The following DTWD1 variants were observed in gnomAD, a reference collection of about 807,000 sequenced individuals.
The protein encoded by DTWD1 is tRNA-uridine aminocarboxypropyltransferase 1.
DTWD1 carries 27 observed loss-of-function variants against 30.2 expected under a neutral mutation model. The observed-to-expected ratio is 0.90, with a 90% CI of 0.66 to 1.23. The LOEUF (loss-of-function observed/expected upper bound fraction) is 1.23. Ranked by LOEUF, DTWD1 falls within the 50% of genes most tolerant of loss-of-function variation. The pLI, the probability that DTWD1 is intolerant of heterozygous loss-of-function variation, is 0.00. For synonymous variants in DTWD1, 99 were observed against 113.1 expected (o/e 0.88, Z 0.79); for missense variants, 342 against 348.8 (o/e 0.98, Z 0.15).
In DTWD1 at chr15:49,643,434, T is replaced by C. The variant is rs772990335; in HGVS notation, c.771T>C (p.Phe257=). The change falls in exon 5 of 5, where the codon TTT becomes TTC. Residue 257 remains phenylalanine, a synonymous_variant. Transcript: ENST00000403028. ...CTACAATTGAAGCCATTTACTACTT[T>C]CTGGTAGACTACCATACTGATATAT... is the stretch of plus-strand genomic sequence containing the variant. The part of the protein sequence containing the change: ...FLSTIEAIYY[F]LVDYHTDILK... The C allele has an allele frequency of 3.1e-6, 5 of 1,607,302 alleles. No homozygotes were observed. Among genetic ancestry groups the C allele is most frequent in the Admixed American group, 1.7e-5 (1 of 58,928 alleles).
Position 49,651,791 on chromosome 15 carries a change from A to G in DTWD1, c.*8213A>G, listed in dbSNP as rs2079153731. On this transcript the variant is annotated 3_prime_UTR_variant, in exon 5 of 5. Transcript: ENST00000403028. ...AGCATGCGATCTCACATTATATCAT[A>G]TCAGATCCGGAAACCTATTTTATGG... The G allele has an allele frequency of 6.6e-6, 1 of 152,142 alleles. No individual in the cohort carries two copies. The highest frequency in any genetic ancestry group is 1.5e-5 in the Non-Finnish European group (1 of 68,016). The allele number at this position is 152,142 out of a possible 1,614,324, so 9.4% of individuals were successfully genotyped here.
rs182427597 is a variant in DTWD1, at chr15:49,622,018, T to C, written c.-56+896T>C. ...AAGAGGTAGAAGCTTTTTGTTATTA[T>C]TTTGGAGAAAAAAAAATTGCCAGCC... On this transcript the variant is annotated intron_variant, in intron 1 of 4. Transcript: ENST00000403028. Among the ~76,000 whole-genome samples, 84 of 152,200 alleles carry C rather than the reference T, an allele frequency of 5.5e-4. 1 individual carries two copies. The highest frequency in any genetic ancestry group is 1.0e-3 in the Non-Finnish European group (68 of 68,020).
intron 3 of DTWD1, among the ~76,000 whole-genome samples, chr15:49,633,045 A>ATATCTATATCTATATCTATCTATC (rs1555588593): frequency 4.0e-5 from 4 of 99,918 alleles, no homozygotes; most frequent in Admixed American, 1.9e-4. Flanking sequence ...ATTTATATCT[A>ATATCTATATCTATATCTATCTATC]TATCTATATA....
At chr15:49,625,478 A>T (rs751839483) in intron 2 of DTWD1, 47 bp downstream of exon 2, 5 of 1,517,842 alleles carry the variant, frequency 3.3e-6, no homozygotes, top group Admixed American at 1.9e-5. Flanking sequence ...TAGATTTTTT[A>T]AAAACATCTC....
In DTWD1 at chr15:49,632,248, T is replaced by G; in HGVS notation, c.354T>G (p.Phe118Leu). ...ATGCAAAACTCTTAGCACCTGAATT[T>G]GTAAACATTTACACGTATCCGTGTA... ...AIHAKLLAPE[F>L]VNIYTYPCIP... Residue 118 changes from phenylalanine (F) to leucine (L), a missense_variant, in exon 3 of 5, where the codon TTT becomes TTG. Coordinates refer to ENST00000403028, the MANE Select transcript of DTWD1 (RefSeq NM_001144955.2). 3 of 1,599,194 alleles carry G rather than the reference T, an allele frequency of 1.9e-6. No homozygotes were observed. Among genetic ancestry groups the G allele is most frequent in the Non-Finnish European group, 2.5e-6 (3 of 1,176,558 alleles).
chr15:49,629,108 G>C (rs999274463), intron 2 of DTWD1, among the ~76,000 whole-genome samples: 1 of 151,876 alleles, frequency 6.6e-6, no homozygotes, highest in Non-Finnish European at 1.5e-5. Context: ...GTTCCTGTGT[G>C]GTCAACACTA....
intron 4 of DTWD1, among the ~76,000 whole-genome samples, chr15:49,635,051 T>G (rs769638976): frequency 6.6e-6 from 1 of 152,218 alleles, no homozygotes; most frequent in Non-Finnish European, 1.5e-5. Flanking sequence ...TCCTTTTTTT[T>G]CTTGAGACAG....
intron 2 of DTWD1, among the ~76,000 whole-genome samples, chr15:49,627,473 T>C (rs1365518447): frequency 1.3e-5 from 2 of 152,210 alleles, no homozygotes; most frequent in African/African-American, 2.4e-5. Flanking sequence ...ATATGTCTCC[T>C]AATGACAGGG....
chr15:49,652,804 A>G lies in DTWD1; in HGVS notation c.*9226A>G, dbSNP rs987819912. ...AGCAAAGAGATACACTGCCTGATTC[A>G]CTTTAAGAAAGGACTGACCTCCCAG... On this transcript the variant is annotated 3_prime_UTR_variant, in exon 5 of 5. Coordinates refer to ENST00000403028, the MANE Select transcript of DTWD1 (RefSeq NM_001144955.2). The G allele has an allele frequency of 1.3e-5, 2 of 152,142 alleles. No homozygotes were observed. Among genetic ancestry groups the G allele is most frequent in the Admixed American group, 6.5e-5 (1 of 15,270 alleles). The allele number at this position is 152,142 out of a possible 1,614,324, so 9.4% of individuals were successfully genotyped here. A position where few individuals can be genotyped will look rare whatever the true frequency, so the allele number is the denominator to read the frequency against.
intron 3 of DTWD1, among the ~76,000 whole-genome samples, chr15:49,634,256 A>G (rs1298657384): frequency 6.6e-6 from 1 of 152,122 alleles, no homozygotes; most frequent in Non-Finnish European, 1.5e-5. Context: ...AAATTATATA[A>G]TTTAGTCTTT....
chr15:49,623,359 A>G (rs1388006542), intron 1 of DTWD1, among the ~76,000 whole-genome samples: 3 of 152,184 alleles, frequency 2.0e-5, no homozygotes, highest in African/African-American at 7.2e-5. Context: ...TCGTATGTGC[A>G]GCAAAGAGAC....
intron 4 of DTWD1, among the ~76,000 whole-genome samples, chr15:49,635,279 C>T (rs1360497496): frequency 1.3e-5 from 2 of 152,102 alleles, no homozygotes; most frequent in African/African-American, 4.8e-5. Context: ...AGGTGATCCT[C>T]CTGCCTTGGC....
At chr15:49,628,085 C>T (rs1387404618) in intron 2 of DTWD1, among the ~76,000 whole-genome samples, 3 of 150,256 alleles carry the variant, frequency 2.0e-5, no homozygotes, top group Non-Finnish European at 2.9e-5. Context: ...TTTATTTTTA[C>T]TTTTTAAACT....
At chr15:49,627,624 A>G (rs2078860897) in intron 2 of DTWD1, among the ~76,000 whole-genome samples, 1 of 152,226 alleles carries the variant, frequency 6.6e-6, no homozygotes, top group Non-Finnish European at 1.5e-5. Flanking sequence ...CTAGCCTACA[A>G]AATCTGTACA....
chr15:49,632,098 T>C, intron 2 of DTWD1, 61 bp from the exon 3 acceptor site: 1 of 1,390,930 alleles, frequency 7.2e-7, no homozygotes, highest in Non-Finnish European at 9.6e-7. Context: ...AAGACCCTTT[T>C]TATTAACATA....
At chr15:49,633,050 T>TATATATATATATAG (rs2153352676) in intron 3 of DTWD1, among the ~76,000 whole-genome samples, 1 of 116,264 alleles carries the variant, frequency 8.6e-6, no homozygotes, top group East Asian at 2.2e-4. Flanking sequence ...TATCTATATC[T>TATATATATATATAG]ATATATATAT....
rs187796367 is a variant in DTWD1 at position 49,638,006 on chromosome 15, G to A, written c.667+3212G>A. On this transcript the variant is annotated intron_variant, in intron 4 of 4. Transcript: ENST00000403028. The stretch of plus-strand genomic sequence containing the variant: ...AAGATCTTTAAGAAATTTTGTTGCC[G>A]ATGTTTGATAGAAAGACAAACGCCT... Among the ~76,000 whole-genome samples, 6 of 152,274 alleles carry A rather than the reference G, an allele frequency of 3.9e-5. 1 individual carries two copies. Among genetic ancestry groups the A allele is most frequent in the South Asian group, 2.1e-4 (1 of 4,826 alleles).
At chr15:49,626,161 T>C (rs906363672) in intron 2 of DTWD1, among the ~76,000 whole-genome samples, 3 of 152,048 alleles carry the variant, frequency 2.0e-5, no homozygotes, top group African/African-American at 4.8e-5. Context: ...TATAAACTTA[T>C]GAATACTAAA....
chr15:49,621,502 AG>A (rs1158219808), intron 1 of DTWD1, among the ~76,000 whole-genome samples: 3 of 152,084 alleles, frequency 2.0e-5, no homozygotes, highest in Admixed American at 6.6e-5. Context: ...TTATCACGGA[AG>A]GGGAAGCGTA....
Sources: allele counts gnomAD v4.1 joint callset (sites outside exome capture counted in the v4.1 genomes callset), GRCh38; gene constraint gnomAD v4.1.1; transcripts MANE v1.5; gene names NCBI Gene and HGNC (gene_info 2026-07-23, HGNC 2026-07-21).